The following PTPRE variants were observed in gnomAD, a reference collection of about 807,000 sequenced individuals.
The protein encoded by PTPRE is protein tyrosine phosphatase receptor type E, also known as receptor-type tyrosine-protein phosphatase epsilon.
A neutral mutation model predicts 102.0 loss-of-function variants in PTPRE; 51 were observed. The ratio of observed to expected loss-of-function variants is 0.50; its 90% CI spans 0.40 to 0.63. The LOEUF is 0.63. PTPRE is among the 30% of genes least tolerant of loss of function. The pLI is 0.00. For synonymous variants in PTPRE, 345 were observed against 348.2 expected (o/e 0.99, Z 0.10); for missense variants, 752 against 915.1 (o/e 0.82, Z 2.30).
At chr10:127,987,510 G>A (rs901101026) in intron 2 of PTPRE, 7 of 402,290 alleles carry the variant, frequency 1.7e-5, no homozygotes, top group East Asian at 8.2e-5. Flanking sequence ...CCAGGAAGGC[G>A]TCGTTAAATG....
chr10:128,063,342 G>A (rs117268835), intron 10 of PTPRE, among the ~76,000 whole-genome samples, 162 bp downstream of exon 10: 2 of 152,256 alleles, frequency 1.3e-5, no homozygotes, highest in Non-Finnish European at 1.5e-5. Context: ...TTTTCTTCAC[G>A]AAACAAATCC....
At chr10:127,999,474 C>T (rs1312629621) in intron 2 of PTPRE, 18 of 923,502 alleles carry the variant, frequency 1.9e-5, no homozygotes, top group East Asian at 1.2e-4. Context: ...GAATCCAACT[C>T]GTCCTGGGAG....
intron 12 of PTPRE, 165 bp downstream of exon 12, chr10:128,068,451 C>T (rs1850475438): frequency 7.0e-6 from 5 of 713,702 alleles, no homozygotes; most frequent in Non-Finnish European, 1.1e-5. Flanking sequence ...AAGAACCCTA[C>T]AGGAGAATGT....
At chr10:128,024,615 C>A (rs1846161868) in intron 2 of PTPRE, among the ~76,000 whole-genome samples, 1 of 152,188 alleles carries the variant, frequency 6.6e-6, no homozygotes, top group Admixed American at 6.5e-5. Flanking sequence ...TGCTGACTCG[C>A]CAGCGTTCTT....
chr10:127,941,023 G>A (rs900204874), intron 1 of PTPRE, among the ~76,000 whole-genome samples: 2 of 152,200 alleles, frequency 1.3e-5, no homozygotes, highest in African/African-American at 2.4e-5. Context: ...AGGGCAGGAG[G>A]CACCAAGCTG....
At chr10:127,953,302 G>A (rs947047695) in intron 1 of PTPRE, among the ~76,000 whole-genome samples, 4 of 152,238 alleles carry the variant, frequency 2.6e-5, no homozygotes, top group Admixed American at 6.5e-5. Context: ...GGCCCCTATA[G>A]GTAAATCACG....
At chr10:128,040,809 C>T (rs947061250) in intron 2 of PTPRE, 66 bp from the exon 3 acceptor site, 2 of 1,263,346 alleles carry the variant, frequency 1.6e-6, no homozygotes, top group Non-Finnish European at 2.3e-6. Flanking sequence ...ATCATCACTG[C>T]CTGGCACCGG....
At chr10:127,941,877 G>A (rs963302074) in intron 1 of PTPRE, among the ~76,000 whole-genome samples, 1 of 152,104 alleles carries the variant, frequency 6.6e-6, no homozygotes, top group Non-Finnish European at 1.5e-5. Context: ...CAGAGTAGGG[G>A]ACAGGTGAGG....
At chr10:128,000,254 G>A (rs748970128) in intron 2 of PTPRE, among the ~76,000 whole-genome samples, 13 of 152,182 alleles carry the variant, frequency 8.5e-5, no homozygotes, top group African/African-American at 1.2e-4. Context: ...GATACTTAAC[G>A]TATAAGTAAT....
Position 128,070,345 on chromosome 10 carries a change from C to A in PTPRE, c.1188C>A (p.Leu396=). The A allele has an allele frequency of 1.2e-6, 2 of 1,614,152 alleles. No homozygotes were observed. The highest frequency in any genetic ancestry group is 2.2e-5 in the South Asian group (2 of 91,066). The change falls in exon 14 of 21, where the codon CTC becomes CTA. Residue 396 remains leucine, a synonymous_variant. Coordinates refer to ENST00000254667, the MANE Select transcript of PTPRE (RefSeq NM_006504.6). This position sits in a 1 kb window ranked among gnomAD's most constrained non-coding sequence, Gnocchi z 4.8. ...FIYQALLEYY[L]YGDTELDVSS... is the part of the protein sequence containing the mutation. Reference sequence around the variant, plus strand: ...ACCAAGCCTTACTCGAGTACTACCTCTACGGGGACACAGAGCTGGACGTGT... The same window carrying A: ...ACCAAGCCTTACTCGAGTACTACCTATACGGGGACACAGAGCTGGACGTGT...
intron 1 of PTPRE, chr10:127,936,125 A>G (rs944742506): frequency 1.3e-5 from 2 of 152,186 alleles, no homozygotes; most frequent in African/African-American, 4.8e-5. Context: ...TACAACTTTC[A>G]TTTCTTATTA....
In PTPRE at chr10:128,048,803, T is replaced by C. The variant is rs181047268; in HGVS notation, c.284-727T>C. On this transcript the variant is annotated intron_variant, in intron 5 of 20. Transcript: ENST00000254667. ...ATGAGTCTTGGGTGAAGTTTTTGGCTGGGCTTCAGAATGGCTCTGCAGGTG... is the reference window on the plus strand; with the variant it reads ...ATGAGTCTTGGGTGAAGTTTTTGGCCGGGCTTCAGAATGGCTCTGCAGGTG... Among the ~76,000 whole-genome samples the C allele has an allele frequency of 1.7e-4, 26 of 152,312 alleles. 1 individual carries two copies. Among genetic ancestry groups the C allele is most frequent in the Admixed American group, 1.6e-3 (24 of 15,302 alleles).
chr10:127,956,080 CT>C (rs542311824), intron 1 of PTPRE, among the ~76,000 whole-genome samples: 84 of 152,286 alleles, frequency 5.5e-4, no homozygotes, highest in African/African-American at 1.9e-3. Flanking sequence ...CGCAGGATAG[CT>C]GCATCCTGTC....
intron 2 of PTPRE, among the ~76,000 whole-genome samples, chr10:128,029,049 C>G (rs1163607358): frequency 6.6e-6 from 1 of 152,242 alleles, no homozygotes; most frequent in African/African-American, 2.4e-5. Context: ...CATCCTCCCT[C>G]TTGATTGCGA....
chr10:127,985,094 C>T (rs536752342), intron 2 of PTPRE, among the ~76,000 whole-genome samples: 6 of 152,192 alleles, frequency 3.9e-5, no homozygotes, highest in African/African-American at 7.2e-5. Flanking sequence ...TTGGGCAGGG[C>T]GGCTAAGCCC....
chr10:128,027,085 G>A (rs1376646856), intron 2 of PTPRE, among the ~76,000 whole-genome samples: 2 of 152,234 alleles, frequency 1.3e-5, no homozygotes, highest in African/African-American at 2.4e-5. Context: ...TTTCATGTCT[G>A]TGGGCAGGAC....
chr10:127,983,482 G>A (rs1851807693), intron 2 of PTPRE, among the ~76,000 whole-genome samples: 1 of 152,152 alleles, frequency 6.6e-6, no homozygotes. Context: ...TTAACTATAT[G>A]AAATCTACAA....
At chr10:128,069,642 C>T (rs768994969) in intron 12 of PTPRE, 50 bp from the exon 13 acceptor site, 19 of 1,608,490 alleles carry the variant, frequency 1.2e-5, no homozygotes, top group East Asian at 2.2e-5. Flanking sequence ...CTTTCATTTA[C>T]TTCGGGAGGA....
Position 128,056,254 on chromosome 10 carries a change from G to A in PTPRE, c.511+41G>A, listed in dbSNP as rs777890983. 7 of 1,529,514 alleles carry A rather than the reference G, an allele frequency of 4.6e-6. No homozygotes were observed. The Admixed American group carries it at 1.2e-4, about 26-fold the overall frequency. The allele number at this position is 1,529,514 out of a possible 1,614,324, so 94.7% of individuals were successfully genotyped here. ...ATGTTTTGCATGATCAATGGTGTTT[G>A]CACTAAACTCAGCTTTGCCTTGCAG... On this transcript the variant is annotated intron_variant, in intron 7 of 20. Transcript: ENST00000254667.
Sources: allele counts gnomAD v4.1 joint callset (sites outside exome capture counted in the v4.1 genomes callset), GRCh38; gene constraint gnomAD v4.1.1; non-coding constraint Gnocchi (gnomAD v3.1); transcripts MANE v1.5; gene names NCBI Gene and HGNC (gene_info 2026-07-23, HGNC 2026-07-21).